The following GCH1 variants were observed in gnomAD, a reference collection of about 807,000 sequenced individuals.
The protein encoded by GCH1 is GTP cyclohydrolase 1.
GCH1 carries 5 observed loss-of-function variants against 25.9 expected under a neutral mutation model. The ratio of observed to expected loss-of-function variants is 0.19; its 90% CI spans 0.10 to 0.41. The LOEUF is 0.41. Among genes scored for constraint, GCH1 ranks in the 10% least tolerant of loss-of-function variants. The pLI is 1.00. For missense variants in GCH1, 261 were observed against 336.5 expected, an observed-to-expected ratio of 0.78 and a Z score of 1.75; for synonymous variants, 159 against 129.6, an observed-to-expected ratio of 1.23 and a Z score of -1.54.
intron 1 of GCH1, among the ~76,000 whole-genome samples, chr14:54,896,428 T>A (rs1249195660): frequency 6.6e-6 from 1 of 152,042 alleles, no homozygotes; most frequent in African/African-American, 2.4e-5. Flanking sequence ...AAGTTCAGCA[T>A]CATCCTTGTT....
At chr14:54,859,474 G>A (rs2039862802) in intron 3 of GCH1, 1 of 590,840 alleles carries the variant, frequency 1.7e-6, no homozygotes, top group Non-Finnish European at 3.0e-6. Flanking sequence ...ATGGAAGAAA[G>A]GGTGGGAAGT....
intron 1 of GCH1, 26 bp downstream of exon 1, chr14:54,902,295 C>G: frequency 1.2e-6 from 2 of 1,609,274 alleles, no homozygotes; most frequent in Non-Finnish European, 1.7e-6. Flanking sequence ...CGCCCGCACG[C>G]TCTAGCAGCC....
chr14:54,869,958 T>C (rs879374765), intron 1 of GCH1, among the ~76,000 whole-genome samples: 15 of 152,144 alleles, frequency 9.9e-5, no homozygotes, highest in Non-Finnish European at 2.2e-4. Context: ...AGACTACCTA[T>C]GTTCTAGAAA....
At chr14:54,846,141 T>C (rs2039638603) in intron 4 of GCH1, among the ~76,000 whole-genome samples, 1 of 152,130 alleles carries the variant, frequency 6.6e-6, no homozygotes, top group Non-Finnish European at 1.5e-5. Flanking sequence ...CCTGTGCAGT[T>C]AGAACAACAC....
Position 54,854,675 on chromosome 14 carries a change from C to A in GCH1, c.509+5006G>T, listed in dbSNP as rs565735148. ...TTTAACATTCAGAGCTTGTGCAAAC[C>A]AAGAATAAAAAGACAAATAACTCAG... On this transcript the variant is annotated intron_variant, in intron 3 of 5. Coordinates refer to ENST00000491895, the MANE Select transcript of GCH1 (RefSeq NM_000161.3). Among the ~76,000 whole-genome samples, 3 of 152,224 alleles carry A rather than the reference C, an allele frequency of 2.0e-5. No homozygotes were observed. In the East Asian group the frequency reaches 5.8e-4, roughly 29 times the overall value.
intron 2 of GCH1, among the ~76,000 whole-genome samples, chr14:54,860,286 C>T (rs1042782600): frequency 6.6e-6 from 1 of 152,156 alleles, no homozygotes; most frequent in African/African-American, 2.4e-5. Flanking sequence ...AAAGTTTCTT[C>T]TTTATGGAGG....
At chr14:54,887,721 C>T (rs2040371467) in intron 1 of GCH1, among the ~76,000 whole-genome samples, 1 of 152,132 alleles carries the variant, frequency 6.6e-6, no homozygotes, top group Non-Finnish European at 1.5e-5. Flanking sequence ...TTTAGGGTGA[C>T]ATTTCACCTC....
rs35600814 is a variant in GCH1 at position 54,880,537 on chromosome 14, CATAT to C, written c.344-15105_344-15102del. ...ATACTCCATATATATATATATACTC[CATAT>C]ATATATATACTCCATATATATATAC... On this transcript the variant is annotated intron_variant, in intron 1 of 5. Transcript: ENST00000491895. 9.7e-5 allele frequency among the ~76,000 whole-genome samples: 3 copies of C among 30,992 alleles called. 1 individual carries two copies. The highest frequency in any genetic ancestry group is 1.8e-4 in the Non-Finnish European group (3 of 16,302). The allele number at this position is 30,992 out of a possible 152,430, so 20.3% of individuals were successfully genotyped here.
At chr14:54,849,409 G>A (rs1007906504) in intron 3 of GCH1, among the ~76,000 whole-genome samples, 26 of 152,212 alleles carry the variant, frequency 1.7e-4, no homozygotes, top group African/African-American at 6.3e-4. Context: ...GCTGGGAACC[G>A]AATTCTAGTT....
chr14:54,849,640 T>C (rs1485066647), intron 3 of GCH1, among the ~76,000 whole-genome samples: 2 of 152,252 alleles, frequency 1.3e-5, no homozygotes, highest in Non-Finnish European at 2.9e-5. Context: ...ATATTTTGCA[T>C]GTGTTCTAGA....
At chr14:54,863,346 C>T (rs150825385) in intron 2 of GCH1, among the ~76,000 whole-genome samples, 19,485 of 137,004 alleles carry the variant, frequency 0.14, 1,604 homozygotes, top group Admixed American at 0.23. Flanking sequence ...GGCGTGAACC[C>T]GGGAGGTGGA....
chr14:54,892,280 C>A (rs1019709115), intron 1 of GCH1, among the ~76,000 whole-genome samples: 4 of 152,204 alleles, frequency 2.6e-5, no homozygotes, highest in African/African-American at 9.7e-5. Flanking sequence ...CAGGCACCCA[C>A]TGGGGGTCTT....
intron 3 of GCH1, among the ~76,000 whole-genome samples, chr14:54,852,738 C>G (rs1041418147): frequency 6.6e-6 from 1 of 152,168 alleles, no homozygotes; most frequent in African/African-American, 2.4e-5. Context: ...TCTCCAAGAA[C>G]CCATCGACAA....
At chr14:54,882,790 GAAC>G (rs2040289707) in intron 1 of GCH1, among the ~76,000 whole-genome samples, 2 of 152,122 alleles carry the variant, frequency 1.3e-5, no homozygotes, top group African/African-American at 4.8e-5. Flanking sequence ...GGGTGTGATG[GAAC>G]CATCTGTAAT....
At chr14:54,871,202 T>C (rs1040125589) in intron 1 of GCH1, among the ~76,000 whole-genome samples, 1 of 152,196 alleles carries the variant, frequency 6.6e-6, no homozygotes, top group African/African-American at 2.4e-5. Flanking sequence ...ATATCCACTG[T>C]TCTGCAGCCT....
intron 3 of GCH1, among the ~76,000 whole-genome samples, chr14:54,858,829 T>C (rs570837799): frequency 5.1e-4 from 77 of 152,328 alleles, no homozygotes; most frequent in Non-Finnish European, 8.7e-4. Flanking sequence ...TATTGGTGGC[T>C]GGGGCCTACC....
Position 54,894,051 on chromosome 14 carries a change from A to T in GCH1, c.343+8270T>A, listed in dbSNP as rs79400123. Among the ~76,000 whole-genome samples the T allele has an allele frequency of 1.9e-3, 282 of 152,346 alleles. 1 individual carries two copies. Among genetic ancestry groups the T allele is most frequent in the African/African-American group, 6.6e-3 (273 of 41,576 alleles). ...GTGAAGTGCGTAGTACTTGATGATC[A>T]ATGAAATTGTAGTAAAATTCCTACT... On this transcript the variant is annotated intron_variant, in intron 1 of 5. Coordinates refer to ENST00000491895, the MANE Select transcript of GCH1 (RefSeq NM_000161.3).
chr14:54,873,776 C>T (rs1304589932), intron 1 of GCH1, among the ~76,000 whole-genome samples: 2 of 152,016 alleles, frequency 1.3e-5, no homozygotes, highest in Non-Finnish European at 1.5e-5. Flanking sequence ...ACACACACAC[C>T]CTCCCAAGAC....
At chr14:54,897,081 C>A (rs1459868652) in intron 1 of GCH1, among the ~76,000 whole-genome samples, 1 of 136,868 alleles carries the variant, frequency 7.3e-6, no homozygotes, top group Non-Finnish European at 1.5e-5. Context: ...ACAATCTCGG[C>A]TCACTGCAAC....
Sources: allele counts gnomAD v4.1 joint callset (sites outside exome capture counted in the v4.1 genomes callset), GRCh38; gene constraint gnomAD v4.1.1; transcripts MANE v1.5; gene names NCBI Gene and HGNC (gene_info 2026-07-23, HGNC 2026-07-21).